Variants in CARS2 observed in about 807,000 individuals in gnomAD.
CARS2 encodes the protein probable cysteine--tRNA ligase, mitochondrial.
In CARS2, 52 loss-of-function variants were observed where a neutral mutation model predicts 68.8. That is an observed-to-expected ratio of 0.76 (90% CI 0.61 to 0.95). CARS2 has a LOEUF of 0.95. Among genes scored for constraint, CARS2 ranks in the 40% least tolerant of loss-of-function variants. The pLI, the probability that CARS2 is intolerant of heterozygous loss-of-function variation, is 0.00. For missense variants in CARS2, 780 were observed against 754.2 expected (o/e 1.03, Z -0.40); for synonymous variants, 314 against 303.6 (o/e 1.03, Z -0.36).
upstream of CARS2, chr13:110,706,291 G>C (rs888065511): frequency 7.6e-5 from 26 of 344,276 alleles, no homozygotes; most frequent in Non-Finnish European, 1.2e-4. Flanking sequence ...ACCAGGGCCC[G>C]AAGAGGTTGG....
At chr13:110,687,905 C>T (rs377016488) in intron 4 of CARS2, 42 bp downstream of exon 4, 9 of 1,578,922 alleles carry the variant, frequency 5.7e-6, no homozygotes, top group Non-Finnish European at 7.8e-6. Context: ...ATTGCTCACG[C>T]CTGTCACCCT....
chr13:110,654,926 AAAAAAAAAAGAAAAAG>A (rs1193852605), intron 9 of CARS2, among the ~76,000 whole-genome samples: 37 of 142,098 alleles, frequency 2.6e-4, no homozygotes, highest in South Asian at 1.5e-3. Context: ...TCTCTCAAAA[AAAAAAAAAAGAAAAAG>A]AAAAAAAAAG....
At chr13:110,663,355 A>G in intron 9 of CARS2, 96 bp downstream of exon 9, 1 of 1,251,112 alleles carries the variant, frequency 8.0e-7, no homozygotes. Context: ...GGGCACTGGG[A>G]ATGGGATTCC....
chr13:110,674,139 G>A (rs983243154), intron 7 of CARS2, among the ~76,000 whole-genome samples: 3 of 152,128 alleles, frequency 2.0e-5, no homozygotes, highest in Non-Finnish European at 4.4e-5. Context: ...TACTGCCCAA[G>A]GTAACTTATA....
At chr13:110,656,752 T>C (rs1449605883) in intron 9 of CARS2, among the ~76,000 whole-genome samples, 3 of 151,934 alleles carry the variant, frequency 2.0e-5, no homozygotes, top group Non-Finnish European at 4.4e-5. Context: ...GGCGTGGTGG[T>C]GGGCGCCTGT....
In CARS2 at chr13:110,653,185, A is replaced by T; in HGVS notation, c.988-2085T>A. Among the ~76,000 whole-genome samples, 1 of 147,472 alleles carries T rather than the reference A, an allele frequency of 6.8e-6. No individual in the cohort carries two copies. The highest frequency in any genetic ancestry group is 2.0e-4 in the East Asian group (1 of 4,908). ...GCTGCCACAGGGGCCTGGGGTGGGG[A>T]GGGGGGCTGGGGTATGTGTGTGTGT... On this transcript the variant is annotated intron_variant, in intron 9 of 14. Transcript: ENST00000257347. The surrounding 1 kb of genome is among the most constrained non-coding windows in gnomAD (Gnocchi z 5.6).
intron 6 of CARS2, among the ~76,000 whole-genome samples, chr13:110,680,069 C>A (rs1442842886): frequency 1.3e-5 from 2 of 151,072 alleles, no homozygotes; most frequent in African/African-American, 2.4e-5. Context: ...AGATGACAGT[C>A]TGCCTGTATA....
At chr13:110,652,268 A>G (rs2062235887) in intron 9 of CARS2, among the ~76,000 whole-genome samples, 1 of 152,252 alleles carries the variant, frequency 6.6e-6, no homozygotes. Flanking sequence ...GAGCTCAGAT[A>G]CCCACTTCCT....
intron 5 of CARS2, among the ~76,000 whole-genome samples, chr13:110,686,644 C>T (rs558840015): frequency 7.0e-6 from 1 of 142,260 alleles, no homozygotes; most frequent in South Asian, 2.3e-4. Flanking sequence ...GCAAACTATG[C>T]CTCCTGGGTG....
Position 110,641,512 on chromosome 13 carries a change from G to GC in CARS2, c.*24dup. The GC allele has an allele frequency of 1.3e-6, 2 of 1,587,174 alleles. No individual in the cohort carries two copies. Among genetic ancestry groups the GC allele is most frequent in the Non-Finnish European group, 1.7e-6 (2 of 1,155,320 alleles). On this transcript the variant is annotated 3_prime_UTR_variant, in exon 15 of 15. Coordinates refer to ENST00000257347, the MANE Select transcript of CARS2 (RefSeq NM_024537.4). ...GAAGCATGGGTGCGTCTTGTCGTGAGCAGGTTCATGGCTGTGCTCCATCCT... is the reference window on the plus strand; with the variant it reads ...GAAGCATGGGTGCGTCTTGTCGTGAGCCAGGTTCATGGCTGTGCTCCATCCT...
intron 7 of CARS2, among the ~76,000 whole-genome samples, chr13:110,673,652 A>G (rs1371789756): frequency 6.6e-6 from 1 of 152,190 alleles, no homozygotes; most frequent in East Asian, 1.9e-4. Flanking sequence ...GAAAACTGGC[A>G]CAAGACAGGG....
Position 110,683,039 on chromosome 13 carries a change from C to G in CARS2, c.655+12G>C, listed in dbSNP as rs564003779. ...GGTCAGGGACCCACAGGGCTGAGCC[C>G]GGCCAACCCACCTGGCTCTCCGACT... is the stretch of plus-strand genomic sequence containing the variant. On this transcript the variant is annotated intron_variant, in intron 6 of 14. Transcript: ENST00000257347. The G allele has an allele frequency of 1.9e-6, 3 of 1,593,472 alleles. No homozygotes were observed. The highest frequency in any genetic ancestry group is 3.5e-5 in the Admixed American group (2 of 56,478).
intron 10 of CARS2, among the ~76,000 whole-genome samples, chr13:110,649,761 C>T (rs2062150808): frequency 6.6e-6 from 1 of 151,934 alleles, no homozygotes; most frequent in Admixed American, 6.6e-5. Flanking sequence ...GGACAGCAAC[C>T]CTCGCTCACC....
At chr13:110,661,648 G>C (rs1038303138) in intron 9 of CARS2, among the ~76,000 whole-genome samples, 2 of 152,232 alleles carry the variant, frequency 1.3e-5, no homozygotes, top group Non-Finnish European at 2.9e-5. Flanking sequence ...CTCAGCTTTT[G>C]ACATACCCTC....
At chr13:110,677,394 CCAGA>C (rs1426939383) in intron 6 of CARS2, among the ~76,000 whole-genome samples, 5 of 123,140 alleles carry the variant, frequency 4.1e-5, no homozygotes, top group Non-Finnish European at 8.5e-5. Flanking sequence ...CCATGGAAAC[CCAGA>C]CAGTCACCCT....
chr13:110,712,662 G>C (rs1214282350), intron 1 of CARS2: 1 of 631,514 alleles, frequency 1.6e-6, no homozygotes, highest in African/African-American at 1.8e-5. Flanking sequence ...GGTCCGGGGA[G>C]CTGAATGGCC....
intron 3 of CARS2, among the ~76,000 whole-genome samples, chr13:110,697,568 G>A (rs1225619997): frequency 2.0e-5 from 3 of 152,178 alleles, no homozygotes; most frequent in South Asian, 2.1e-4. Context: ...TCAGCCTCTC[G>A]AGTAGCTGGG....
At chr13:110,686,880 C>T (rs773698891) in intron 5 of CARS2, among the ~76,000 whole-genome samples, 8 of 150,346 alleles carry the variant, frequency 5.3e-5, no homozygotes, top group Non-Finnish European at 1.0e-4. Context: ...GTTTTTTGTG[C>T]AGGGGAGGGT....
At chr13:110,658,178 A>T (rs1348016603) in intron 9 of CARS2, among the ~76,000 whole-genome samples, 1 of 152,250 alleles carries the variant, frequency 6.6e-6, no homozygotes, top group Non-Finnish European at 1.5e-5. Context: ...AGAACAATGA[A>T]ATATAATTCA....
Sources: gnomAD v4.1 joint callset for allele counts (sites outside exome capture counted in the v4.1 genomes callset) on GRCh38, gnomAD v4.1.1 for gene constraint, Gnocchi (gnomAD v3.1) non-coding constraint, MANE v1.5 for transcripts, NCBI Gene and HGNC (gene_info 2026-07-23, HGNC 2026-07-21) for gene names.